The following TRDN variants were observed in gnomAD, a reference collection of about 807,000 sequenced individuals.
The protein encoded by TRDN is triadin.
TRDN carries 161 observed loss-of-function variants against 149.7 expected under a neutral mutation model. The ratio of observed to expected loss-of-function variants is 1.08; its 90% CI spans 0.95 to 1.23. The LOEUF is 1.23. Ranked by LOEUF, TRDN falls within the 50% of genes most tolerant of loss-of-function variation. The pLI is 0.00. For synonymous variants in TRDN, 294 were observed against 250.5 expected, an observed-to-expected ratio of 1.17 and a Z score of -1.64; for missense variants, 896 against 823.5, an observed-to-expected ratio of 1.09 and a Z score of -1.08.
In TRDN at chr6:123,316,458, T is replaced by C. The variant is rs1362326662; in HGVS notation, c.1509A>G (p.Ala503=). 6.2e-7 allele frequency: 1 copy of C among 1,610,224 alleles called. No individual in the cohort carries two copies. The highest frequency in any genetic ancestry group is 8.5e-7 in the Non-Finnish European group (1 of 1,177,490). Residue 503 remains alanine (A), a splice_region_variant and synonymous_variant, in exon 24 of 41, where the codon GCA becomes GCG. Transcript: ENST00000334268. ...GTAAATCTTACAAAATATCCTTACCTGCTTTGGACATCTTTTCATCTTTTT... is the reference window on the plus strand; with the variant it reads ...GTAAATCTTACAAAATATCCTTACCCGCTTTGGACATCTTTTCATCTTTTT... The part of the protein sequence containing the change: ...ETKKDEKMSK[A]GKEVKPKPPQ...
intron 38 of TRDN, among the ~76,000 whole-genome samples, chr6:123,243,962 G>A (rs1466954086): frequency 6.6e-6 from 1 of 152,106 alleles, no homozygotes; most frequent in African/African-American, 2.4e-5. Flanking sequence ...AAAACTAACA[G>A]GAATTTATAG....
chr6:123,585,892 A>G (rs1007496194), intron 1 of TRDN, among the ~76,000 whole-genome samples: 1 of 152,020 alleles, frequency 6.6e-6, no homozygotes, highest in African/African-American at 2.4e-5. Flanking sequence ...CTATTATTGT[A>G]CACCTTGAAG....
At chr6:123,361,681 C>T (rs765033897) in intron 20 of TRDN, among the ~76,000 whole-genome samples, 2 of 152,126 alleles carry the variant, frequency 1.3e-5, no homozygotes, top group Non-Finnish European at 2.9e-5. Flanking sequence ...GGATGTCACT[C>T]CCCTGAAAAT....
intron 21 of TRDN, among the ~76,000 whole-genome samples, chr6:123,349,264 T>C (rs983136486): frequency 6.6e-6 from 1 of 152,146 alleles, no homozygotes; most frequent in African/African-American, 2.4e-5. Flanking sequence ...ATTGAGTTGC[T>C]AATGGTTCTC....
At chr6:123,367,942 G>A (rs1781179518) in intron 19 of TRDN, among the ~76,000 whole-genome samples, 1 of 152,052 alleles carries the variant, frequency 6.6e-6, no homozygotes, top group Non-Finnish European at 1.5e-5. Context: ...AGTCCATATG[G>A]CTCTGTATTT....
intron 9 of TRDN, among the ~76,000 whole-genome samples, chr6:123,472,024 G>A (rs114618507): frequency 0.01 from 1,552 of 152,254 alleles, 25 homozygotes; most frequent in African/African-American, 0.035. Context: ...AATGGTCTCC[G>A]GAAGGATAAA....
At chr6:123,532,752 G>A (rs570612511) in intron 4 of TRDN, among the ~76,000 whole-genome samples, 21 of 134,458 alleles carry the variant, frequency 1.6e-4, no homozygotes, top group Non-Finnish European at 3.2e-4. Context: ...ATTAAAATTA[G>A]TTTTATATTT....
chr6:123,412,463 C>T (rs1373989574), intron 12 of TRDN, among the ~76,000 whole-genome samples: 3 of 152,186 alleles, frequency 2.0e-5, no homozygotes, highest in African/African-American at 7.2e-5. Context: ...ACAGTACAGA[C>T]ATAAGATATT....
At chr6:123,299,385 C>T (rs1405578027) in intron 24 of TRDN, among the ~76,000 whole-genome samples, 1 of 152,018 alleles carries the variant, frequency 6.6e-6, no homozygotes, top group African/African-American at 2.4e-5. Context: ...TCCATATCAG[C>T]ACCTGGGCTT....
chr6:123,492,720 C>T (rs1363183774), intron 9 of TRDN, among the ~76,000 whole-genome samples: 5 of 152,058 alleles, frequency 3.3e-5, no homozygotes, highest in African/African-American at 1.2e-4. Context: ...TATACCTTGA[C>T]CATCCGTACT....
At chr6:123,494,926 G>A (rs1778377555) in intron 9 of TRDN, among the ~76,000 whole-genome samples, 2 of 151,786 alleles carry the variant, frequency 1.3e-5, no homozygotes, top group South Asian at 4.2e-4. Context: ...TAGAGACGGG[G>A]TTTCACCATG....
In TRDN at chr6:123,588,170, G is replaced by A. The variant is rs566123041; in HGVS notation, c.23-17038C>T. Among the ~76,000 whole-genome samples the A allele has an allele frequency of 2.0e-5, 3 of 152,288 alleles. No homozygotes were observed. In the South Asian group the frequency reaches 6.2e-4, roughly 32 times the overall value. On this transcript the variant is annotated intron_variant, in intron 1 of 40. Coordinates refer to ENST00000334268, the MANE Select transcript of TRDN (RefSeq NM_006073.4). ...TGGAAAGGGAGGGAAATTCTCTACA[G>A]AATGTAGATTTTCCGCAAGAGACAG...
At chr6:123,228,548 C>T (rs753359148) in intron 38 of TRDN, among the ~76,000 whole-genome samples, 6 of 151,830 alleles carry the variant, frequency 4.0e-5, no homozygotes, top group Non-Finnish European at 8.8e-5. Context: ...CCTCAGATCT[C>T]CTGAGAACGT....
intron 3 of TRDN, 135 bp downstream of exon 3, chr6:123,548,319 T>A (rs1232394841): frequency 5.5e-6 from 3 of 547,180 alleles, no homozygotes; most frequent in Non-Finnish European, 8.4e-6. Flanking sequence ...TTGATATGCT[T>A]TTAGCAGTCA....
chr6:123,265,360 A>G lies in TRDN; in HGVS notation c.1784-22T>C, dbSNP rs748943423. ...TTGTCTAAAAAGGAAAAAAGAAAAA[A>G]AAAGAAAATGAGTGATAATTTTCTA... On this transcript the variant is annotated intron_variant, in intron 32 of 40. Coordinates refer to ENST00000334268, the MANE Select transcript of TRDN (RefSeq NM_006073.4). The G allele has an allele frequency of 4.4e-5, 61 of 1,394,312 alleles. 2 individuals carry two copies. The South Asian group carries it at 7.4e-4, about 17-fold the overall frequency. The allele number at this position is 1,394,312 out of a possible 1,614,324, so 86.4% of individuals were successfully genotyped here. A position where few individuals can be genotyped will look rare whatever the true frequency, so the allele number is the denominator to read the frequency against.
intron 1 of TRDN, among the ~76,000 whole-genome samples, chr6:123,585,465 G>A (rs1170444602): frequency 6.6e-6 from 1 of 152,106 alleles, no homozygotes; most frequent in Non-Finnish European, 1.5e-5. Context: ...TTAAGATGGG[G>A]ACAGACTTAT....
At chr6:123,252,894 TAC>T (rs1328605821) in intron 37 of TRDN, among the ~76,000 whole-genome samples, 6 of 152,140 alleles carry the variant, frequency 3.9e-5, no homozygotes, top group African/African-American at 1.4e-4. Context: ...AAAATACTCT[TAC>T]TAAAATCAAG....
intron 33 of TRDN, among the ~76,000 whole-genome samples, chr6:123,263,915 T>A (rs1366895844): frequency 1.3e-5 from 2 of 152,052 alleles, no homozygotes; most frequent in African/African-American, 4.8e-5. Context: ...GCAGCATGAT[T>A]TACTGACTGT....
intron 12 of TRDN, among the ~76,000 whole-genome samples, chr6:123,416,034 C>T (rs756596408): frequency 6.6e-6 from 1 of 152,096 alleles, no homozygotes; most frequent in African/African-American, 2.4e-5. Context: ...TTCACAACTA[C>T]GACCACCAGA....
Sources: allele counts gnomAD v4.1 joint callset (sites outside exome capture counted in the v4.1 genomes callset), GRCh38; gene constraint gnomAD v4.1.1; transcripts MANE v1.5; gene names NCBI Gene and HGNC (gene_info 2026-07-23, HGNC 2026-07-21).